The following ACRBP variants were observed in gnomAD, a reference collection of about 807,000 sequenced individuals.
The protein encoded by ACRBP is acrosin-binding protein.
Under a neutral mutation model 69.0 loss-of-function variants are expected in ACRBP, and 52 were observed. The ratio of observed to expected loss-of-function variants is 0.75; its 90% CI spans 0.60 to 0.95. The LOEUF (loss-of-function observed/expected upper bound fraction) is 0.95, where lower values mean the gene tolerates loss of function less well. Ranked by LOEUF, ACRBP falls within the 40% of genes least tolerant of loss-of-function variation. ACRBP has a pLI of 0.00. For synonymous variants in ACRBP, 267 were observed against 258.9 expected (o/e 1.03, Z -0.30); for missense variants, 604 against 673.0 (o/e 0.90, Z 1.13).
chr12:6,641,791 T>C (rs1949055024), intron 6 of ACRBP, among the ~76,000 whole-genome samples: 1 of 152,178 alleles, frequency 6.6e-6, no homozygotes, highest in African/African-American at 2.4e-5. Flanking sequence ...GGCTCATGCC[T>C]GTAATTCCAG....
At chr12:6,638,626 G>T in intron 9 of ACRBP, 2 of 1,293,016 alleles carry the variant, frequency 1.5e-6, no homozygotes, top group Non-Finnish European at 2.1e-6. Context: ...GCTCAGAGGG[G>T]GAAGTGCCTC....
chr12:6,646,398 C>T (rs1422711968), intron 3 of ACRBP, 85 bp downstream of exon 3: 37 of 1,271,354 alleles, frequency 2.9e-5, no homozygotes, highest in Non-Finnish European at 3.9e-5. Flanking sequence ...GGATGACTCT[C>T]CTGGAACCCT....
In ACRBP at chr12:6,640,292, C is replaced by T. The variant is rs1165304655; in HGVS notation, c.1257+51G>A. On this transcript the variant is annotated intron_variant, in intron 7 of 9. Coordinates refer to ENST00000229243, the MANE Select transcript of ACRBP (RefSeq NM_032489.3). This position sits in a 1 kb window ranked among gnomAD's most constrained non-coding sequence, Gnocchi z 5.3. ...CCACCTGCTGGCCACCACCACCCCACCCCTGCCACCCAGTTCTGCCTTTCC... is the reference window on the plus strand; with the variant it reads ...CCACCTGCTGGCCACCACCACCCCATCCCTGCCACCCAGTTCTGCCTTTCC... 1.2e-6 allele frequency: 2 copies of T among 1,612,560 alleles called. No individual in the cohort carries two copies. The highest frequency in any genetic ancestry group is 1.7e-6 in the Non-Finnish European group (2 of 1,178,904).
intron 9 of ACRBP, chr12:6,638,637 A>G: frequency 7.4e-7 from 1 of 1,351,306 alleles, no homozygotes; most frequent in African/African-American, 1.5e-5. Flanking sequence ...GAAGTGCCTC[A>G]TCCCAGGCTA....
At chr12:6,643,405 T>TC (rs1347322099) in intron 6 of ACRBP, 134 bp downstream of exon 6, 8 of 1,235,602 alleles carry the variant, frequency 6.5e-6, no homozygotes, top group Non-Finnish European at 8.9e-6. Flanking sequence ...AAGAAAAGAG[T>TC]CCCACTTGGA....
rs1020905204 is a variant in ACRBP at position 6,640,896 on chromosome 12, C to A, written c.1078-374G>T. Among the ~76,000 whole-genome samples the A allele has an allele frequency of 6.6e-5, 10 of 152,186 alleles. No individual in the cohort carries two copies. The highest frequency in any genetic ancestry group is 1.9e-4 in the African/African-American group (8 of 41,426). On this transcript the variant is annotated intron_variant, in intron 6 of 9. Transcript: ENST00000229243. The surrounding 1 kb of genome is among the most constrained non-coding windows in gnomAD (Gnocchi z 5.3). ...TAGCCTATCTGAAAAGAACTCATAA[C>A]CCTCCCCTGCCACCTCTGCTAATGA...
At position 6,646,935 on chromosome 12, in the gene ACRBP, T is replaced by A. The variant is rs1388770713; in HGVS notation, c.121A>T (p.Thr41Ser). The change falls in exon 2 of 10, where the codon ACC (threonine) becomes TCC (serine). Residue 41 changes from threonine to serine, a missense_variant. Physicochemically the swap from Thr to Ser is moderately conservative, Grantham distance 58. Transcript: ENST00000229243. ...AGTGCGAAGAAGCGTTCGTATTCGG[T>A]AGGAGAGAGAGGGCTGCCTGGAGTG... ...ASTPGSPLSP[T>S]EYERFFALLT... 2.5e-6 allele frequency: 4 copies of A among 1,613,696 alleles called. No homozygotes were observed. The highest frequency in any genetic ancestry group is 3.4e-6 in the Non-Finnish European group (4 of 1,179,974).
Position 6,646,804 on chromosome 12 carries a change from T to C in ACRBP, c.252A>G (p.Leu84=). The C allele has an allele frequency of 6.2e-7, 1 of 1,614,012 alleles. No homozygotes were observed. The highest frequency in any genetic ancestry group is 1.7e-5 in the Admixed American group (1 of 60,028). The change falls in exon 2 of 10, where the codon TTA becomes TTG. Residue 84 remains leucine, a synonymous_variant. Transcript: ENST00000229243. The stretch of plus-strand genomic sequence containing the variant: ...TAGTCTGGCCCTCACCATCGGGCAC[T>C]AAGCCGTGGTTTTCATATTGGTCCA... ...VQLDQYENHG[L]VPDGAVCSNL... is the part of the protein sequence containing the mutation.
At chr12:6,646,223 C>T (rs1454662889) in intron 3 of ACRBP, among the ~76,000 whole-genome samples, 14 of 151,442 alleles carry the variant, frequency 9.2e-5, no homozygotes, top group African/African-American at 2.7e-4. Flanking sequence ...CTGCCCATCT[C>T]GGGCTCCCAA....
At chr12:6,645,127 G>T in intron 4 of ACRBP, 93 bp downstream of exon 4, 2 of 1,006,670 alleles carry the variant, frequency 2.0e-6, no homozygotes, top group East Asian at 2.5e-5. Context: ...CGCCCAACAT[G>T]CTTCCCATTT....
At position 6,638,139 on chromosome 12, in the gene ACRBP, C is replaced by T; in HGVS notation, c.*143G>A. The stretch of plus-strand genomic sequence containing the variant: ...GGCGCAGCTCCCACCGTGGCCCTCT[C>T]TGGGACTGTTGCTCCAACCCAAGGA... On this transcript the variant is annotated 3_prime_UTR_variant, in exon 10 of 10. Coordinates refer to ENST00000229243, the MANE Select transcript of ACRBP (RefSeq NM_032489.3). 2 of 1,223,288 alleles carry T rather than the reference C, an allele frequency of 1.6e-6. No homozygotes were observed. Among genetic ancestry groups the T allele is most frequent in the Non-Finnish European group, 2.3e-6 (2 of 870,480 alleles). The allele number at this position is 1,223,288 out of a possible 1,614,324, so 75.8% of individuals were successfully genotyped here.
chr12:6,638,724 T>C lies in ACRBP; in HGVS notation c.1509+230A>G. 14 of 1,428,888 alleles carry C rather than the reference T, an allele frequency of 9.8e-6. 1 individual carries two copies. In the South Asian group the frequency reaches 1.8e-4, roughly 19 times the overall value. The allele number at this position is 1,428,888 out of a possible 1,614,324, so 88.5% of individuals were successfully genotyped here. A position where few individuals can be genotyped will look rare whatever the true frequency, so the allele number is the denominator to read the frequency against. ...GCCCAGCCAAGGGTTCTTCCTGTGG[T>C]GCTCTTAGGACCCTCCTCTGTTATC... is the stretch of plus-strand genomic sequence containing the variant. On this transcript the variant is annotated intron_variant, in intron 9 of 9. Transcript: ENST00000229243.
chr12:6,645,723 C>T (rs754943339), intron 3 of ACRBP, among the ~76,000 whole-genome samples: 1 of 149,796 alleles, frequency 6.7e-6, no homozygotes, highest in Non-Finnish European at 1.5e-5. Flanking sequence ...TGCAGTGGCG[C>T]GATCTCGGCT....
At chr12:6,644,881 A>T (rs140093080) in intron 4 of ACRBP, among the ~76,000 whole-genome samples, 1 of 152,292 alleles carries the variant, frequency 6.6e-6, no homozygotes, top group Non-Finnish European at 1.5e-5. Flanking sequence ...TCCCTTAGGA[A>T]ACACCAAGTA....
rs1173292988 is a variant in ACRBP at position 6,644,169 on chromosome 12, C to T, written c.912G>A (p.Glu304=). The change falls in exon 5 of 10, where the codon GAG becomes GAA. Residue 304 remains glutamate, a synonymous_variant. Transcript: ENST00000229243. ...EIDEMNEIYD[E]NSYWRNQNPG... Reference sequence around the variant, plus strand: ...GGTTTTGGTTTCTCCAGTAGGAGTTCTCATCATATATTTCATTCATTTCAT... The same window carrying T: ...GGTTTTGGTTTCTCCAGTAGGAGTTTTCATCATATATTTCATTCATTTCAT... 2 of 1,603,526 alleles carry T rather than the reference C, an allele frequency of 1.2e-6. No homozygotes were observed. Among genetic ancestry groups the T allele is most frequent in the African/African-American group, 2.7e-5 (2 of 74,558 alleles).
At position 6,647,430 on chromosome 12, in the gene ACRBP, G is replaced by A; in HGVS notation, c.-64C>T. 1 of 1,448,608 alleles carries A rather than the reference G, an allele frequency of 6.9e-7. No homozygotes were observed. Among genetic ancestry groups the A allele is most frequent in the Non-Finnish European group, 9.2e-7 (1 of 1,088,362 alleles). The allele number at this position is 1,448,608 out of a possible 1,614,324, so 89.7% of individuals were successfully genotyped here. On this transcript the variant is annotated 5_prime_UTR_variant, in exon 1 of 10. Transcript: ENST00000229243. ...CGCCTCTAACGGGCCAAGCCGCAGA[G>A]AGAGCCGCAGGCGCGGGGCGGGGCG...
chr12:6,647,420 A>G lies in ACRBP; in HGVS notation c.-54T>C, dbSNP rs1245086367. ...GGACACAAGCCGCCTCTAACGGGCC[A>G]AGCCGCAGAGAGAGCCGCAGGCGCG... On this transcript the variant is annotated 5_prime_UTR_variant, in exon 1 of 10. Transcript: ENST00000229243. 1.4e-6 allele frequency: 2 copies of G among 1,475,702 alleles called. No individual in the cohort carries two copies. Among genetic ancestry groups the G allele is most frequent in the Non-Finnish European group, 1.8e-6 (2 of 1,106,858 alleles). The allele number at this position is 1,475,702 out of a possible 1,614,324, so 91.4% of individuals were successfully genotyped here.
At chr12:6,642,479 AT>A (rs1402156653) in intron 6 of ACRBP, among the ~76,000 whole-genome samples, 1 of 152,140 alleles carries the variant, frequency 6.6e-6, no homozygotes, top group Non-Finnish European at 1.5e-5. Context: ...TAGAAATTCA[AT>A]TTCATTTTTT....
chr12:6,642,093 T>G (rs972736170), intron 6 of ACRBP, among the ~76,000 whole-genome samples: 25 of 152,178 alleles, frequency 1.6e-4, no homozygotes, highest in Non-Finnish European at 3.5e-4. Flanking sequence ...CCATCTGCTC[T>G]CTGTACTTTG....
Sources: gnomAD v4.1 joint callset for allele counts (sites outside exome capture counted in the v4.1 genomes callset) on GRCh38, gnomAD v4.1.1 for gene constraint, Gnocchi (gnomAD v3.1) non-coding constraint, MANE v1.5 for transcripts, NCBI Gene and HGNC (gene_info 2026-07-23, HGNC 2026-07-21) for gene names.